LINGO1: variants seen among roughly 807,000 people sequenced by gnomAD.
The protein encoded by LINGO1 is leucine-rich repeat and immunoglobulin-like domain-containing nogo receptor-interacting protein 1.
A neutral mutation model predicts 37.3 loss-of-function variants in LINGO1; 11 were observed. The ratio of observed to expected loss-of-function variants is 0.29; its 90% confidence interval spans 0.19 to 0.49. The LOEUF (loss-of-function observed/expected upper bound fraction) is 0.49. LINGO1 is among the 20% of genes least tolerant of loss of function. LINGO1 has a pLI of 0.99. For missense variants in LINGO1, 585 were observed against 878.2 expected (o/e 0.67, Z 4.22); for synonymous variants, 387 against 403.0 (o/e 0.96, Z 0.48).
intron 3 of LINGO1, among the ~76,000 whole-genome samples, chr15:77,644,298 C>T (rs1438848017): frequency 6.6e-6 from 1 of 152,208 alleles, no homozygotes; most frequent in African/African-American, 2.4e-5. Context: ...CAGGGTTGCC[C>T]AGCTGTGCCG....
At chr15:77,668,405 C>T (rs1315759658) in intron 3 of LINGO1, among the ~76,000 whole-genome samples, 2 of 152,180 alleles carry the variant, frequency 1.3e-5, no homozygotes, top group African/African-American at 2.4e-5. Context: ...CCTGTGGGGA[C>T]TTGCAAGGCT....
chr15:77,651,284 T>G (rs537634591), intron 3 of LINGO1: 28 of 152,354 alleles, frequency 1.8e-4, no homozygotes, highest in African/African-American at 6.7e-4. Context: ...TTCAGAAAGC[T>G]ACATGGAAGC....
At chr15:77,672,423 G>A (rs1179955912) in intron 3 of LINGO1, among the ~76,000 whole-genome samples, 1 of 152,176 alleles carries the variant, frequency 6.6e-6, no homozygotes, top group Admixed American at 6.5e-5. Context: ...TCCCTGCCAG[G>A]AGTATTTTGG....
intron 3 of LINGO1, among the ~76,000 whole-genome samples, chr15:77,675,784 A>G (rs2075317602): frequency 6.6e-6 from 1 of 152,196 alleles, no homozygotes; most frequent in Admixed American, 6.5e-5. Flanking sequence ...GATTCTGCTT[A>G]GGGAGAAAAT....
intron 1 of LINGO1, among the ~76,000 whole-genome samples, chr15:77,749,462 A>G (rs1357138202): frequency 1.3e-5 from 2 of 152,212 alleles, no homozygotes; most frequent in African/African-American, 4.8e-5. Context: ...TCCTGGCCTC[A>G]CAGCCCTGGT....
intron 2 of LINGO1, among the ~76,000 whole-genome samples, chr15:77,723,891 G>T (rs2076076206): frequency 6.6e-6 from 1 of 152,148 alleles, no homozygotes; most frequent in Admixed American, 6.5e-5. Context: ...CGCGGGGGCG[G>T]GAGGCGAGAG....
chr15:77,634,171 C>CG, upstream of LINGO1: 1 of 450,278 alleles, frequency 2.2e-6, no homozygotes, highest in East Asian at 7.0e-5. Flanking sequence ...TGCGCAACAT[C>CG]ATTGCAGAGA....
At chr15:77,767,269 G>A (rs2076539684) in intron 1 of LINGO1, among the ~76,000 whole-genome samples, 1 of 152,172 alleles carries the variant, frequency 6.6e-6, no homozygotes, top group Non-Finnish European at 1.5e-5. Context: ...CTTAACACCA[G>A]CACTGTAAGC....
At position 77,656,098 on chromosome 15, in the gene LINGO1, G is replaced by A. The variant is rs142721651; in HGVS notation, c.-13+20991C>T. On this transcript the variant is annotated intron_variant, in intron 3 of 3. Transcript: ENST00000559893. ...GGCTGGGCACTCAGGGGACAGGGGTGACAGTAAGGAACCCAGAAAGGGCCC... is the reference window on the plus strand; with the variant it reads ...GGCTGGGCACTCAGGGGACAGGGGTAACAGTAAGGAACCCAGAAAGGGCCC... Among the ~76,000 whole-genome samples the A allele has an allele frequency of 2.5e-3, 379 of 152,318 alleles. 2 individuals are homozygous for A. In the South Asian group the frequency reaches 0.028, roughly 11 times the overall value.
intron 1 of LINGO1, among the ~76,000 whole-genome samples, chr15:77,819,041 G>T (rs868839623): frequency 6.6e-6 from 1 of 151,668 alleles, no homozygotes; most frequent in South Asian, 2.1e-4. Context: ...TGCAGGTAAG[G>T]GTGAGGCGGG....
intron 3 of LINGO1, among the ~76,000 whole-genome samples, chr15:77,653,799 G>C (rs557345979): frequency 7.5e-5 from 11 of 147,390 alleles, no homozygotes; most frequent in Non-Finnish European, 1.3e-4. Flanking sequence ...AAGAGGGGTT[G>C]GATCTCTTTG....
chr15:77,772,086 A>T (rs774338383), intron 1 of LINGO1, among the ~76,000 whole-genome samples: 7 of 152,192 alleles, frequency 4.6e-5, no homozygotes, highest in African/African-American at 7.2e-5. Flanking sequence ...TACCCTCCAT[A>T]CAGAAAGAGG....
chr15:77,747,580 A>G (rs2076326862), intron 1 of LINGO1, among the ~76,000 whole-genome samples: 3 of 152,166 alleles, frequency 2.0e-5, no homozygotes, highest in Non-Finnish European at 4.4e-5. Flanking sequence ...TAGAGTGAGC[A>G]CACTCAGAAC....
upstream of LINGO1, among the ~76,000 whole-genome samples, chr15:77,639,067 A>G (rs1013618398): frequency 1.3e-4 from 20 of 151,734 alleles, no homozygotes; most frequent in Admixed American, 1.3e-3. Context: ...TCTCTAGTCA[A>G]CCCCCCATGA....
intron 2 of LINGO1, among the ~76,000 whole-genome samples, chr15:77,683,875 C>T (rs974439554): frequency 6.6e-6 from 1 of 151,926 alleles, no homozygotes; most frequent in African/African-American, 2.4e-5. Context: ...TAACCCCTCA[C>T]AGGCTGCAGG....
intron 2 of LINGO1, among the ~76,000 whole-genome samples, chr15:77,723,632 C>T (rs1411837463): frequency 3.3e-5 from 5 of 152,256 alleles, no homozygotes; most frequent in South Asian, 2.1e-4. Flanking sequence ...GTCCTGGACC[C>T]GGGCCCCACC....
At chr15:77,765,462 C>T (rs1360535612) in intron 1 of LINGO1, among the ~76,000 whole-genome samples, 4 of 151,928 alleles carry the variant, frequency 2.6e-5, no homozygotes, top group Admixed American at 1.3e-4. Context: ...CTAAGCCCCT[C>T]TCCTATTAAC....
At chr15:77,646,259 T>C (rs2074625460) in intron 3 of LINGO1, 2 of 303,578 alleles carry the variant, frequency 6.6e-6, no homozygotes, top group Non-Finnish European at 1.3e-5. Context: ...GTCCAGGCAT[T>C]GTGACCTGTA....
At chr15:77,665,654 C>T (rs1433605627) in intron 3 of LINGO1, among the ~76,000 whole-genome samples, 2 of 152,202 alleles carry the variant, frequency 1.3e-5, no homozygotes, top group African/African-American at 4.8e-5. Context: ...GCTTAGTCGC[C>T]ATGCTGGGAA....
Sources: gnomAD v4.1 joint callset for allele counts (sites outside exome capture counted in the v4.1 genomes callset) on GRCh38, gnomAD v4.1.1 for gene constraint, MANE v1.5 for transcripts, NCBI Gene and HGNC (gene_info 2026-07-23, HGNC 2026-07-21) for gene names.